Variants in MAML2 observed in about 807,000 individuals in gnomAD.
The protein encoded by MAML2 is mastermind-like protein 2.
Under a neutral mutation model 96.1 loss-of-function variants are expected in MAML2, and 22 were observed. The observed-to-expected ratio is 0.23, with a 90% CI of 0.16 to 0.33. The LOEUF (loss-of-function observed/expected upper bound fraction) is 0.33. Among genes scored for constraint, MAML2 ranks in the 10% least tolerant of loss-of-function variants. MAML2 has a pLI of 1.00. For synonymous variants in MAML2, 561 were observed against 521.3 expected (o/e 1.08, Z -1.04); for missense variants, 1,367 against 1,392.4 (o/e 0.98, Z 0.29).
intron 1 of MAML2, among the ~76,000 whole-genome samples, chr11:96,319,646 T>C (rs188681004): frequency 2.0e-5 from 3 of 152,240 alleles, no homozygotes; most frequent in African/African-American, 4.8e-5. Flanking sequence ...TATGCACAGA[T>C]ATAGGTACAA....
At chr11:96,051,841 C>G (rs544575904) in intron 2 of MAML2, among the ~76,000 whole-genome samples, 2 of 152,310 alleles carry the variant, frequency 1.3e-5, no homozygotes, top group South Asian at 4.1e-4. Context: ...CTCCCTGTCT[C>G]CAGAGATGGC....
chr11:96,158,328 C>T (rs1001041645), intron 1 of MAML2, among the ~76,000 whole-genome samples: 8 of 152,130 alleles, frequency 5.3e-5, no homozygotes, highest in African/African-American at 1.2e-4. Context: ...TTTGTTGGTC[C>T]TGGGGTGACC....
intron 2 of MAML2, among the ~76,000 whole-genome samples, chr11:96,031,638 T>C (rs942706691): frequency 4.6e-5 from 7 of 152,174 alleles, no homozygotes; most frequent in Non-Finnish European, 1.0e-4. Context: ...GTAGCATGCT[T>C]GGGGTACAGA....
Position 95,985,732 on chromosome 11 carries a change from TATA to T in MAML2, c.2344-93_2344-91del, listed in dbSNP as rs1857814866. On this transcript the variant is annotated intron_variant, in intron 3 of 4. Transcript: ENST00000524717. ...TAAAATTTTGTAAAATTTCAGAAAA[TATA>T]AGAACAATTTTGCAATCATGGGTTA... The T allele has an allele frequency of 2.8e-5, 22 of 798,914 alleles. No individual in the cohort carries two copies. In the South Asian group the frequency reaches 3.9e-4, roughly 14 times the overall value. The allele number at this position is 798,914 out of a possible 1,614,324, so 49.5% of individuals were successfully genotyped here.
intron 1 of MAML2, among the ~76,000 whole-genome samples, chr11:96,166,010 G>A (rs1861182343): frequency 1.3e-5 from 2 of 152,012 alleles, no homozygotes; most frequent in Admixed American, 1.3e-4. Context: ...ACAGACTAAT[G>A]GACACAGAGA....
At chr11:96,106,399 T>C (rs1465093322) in intron 1 of MAML2, among the ~76,000 whole-genome samples, 1 of 152,234 alleles carries the variant, frequency 6.6e-6, no homozygotes, top group Non-Finnish European at 1.5e-5. Context: ...TTCTTGAAGC[T>C]TATCTTTAAA....
chr11:95,979,292 G>T lies in MAML2; in HGVS notation c.3127C>A (p.Pro1043Thr). 1 of 1,613,912 alleles carries T rather than the reference G, an allele frequency of 6.2e-7. No individual in the cohort carries two copies. Among genetic ancestry groups the T allele is most frequent in the Admixed American group, 1.7e-5 (1 of 60,006 alleles). Residue 1043 changes from proline to threonine, a missense_variant, in exon 5 of 5, where the codon CCC (proline) becomes ACC (threonine). By Grantham distance (38) the Pro-to-Thr change is conservative (BLOSUM62 -1). Coordinates refer to ENST00000524717, the MANE Select transcript of MAML2 (RefSeq NM_032427.4). ...GGTCTGAGATTCAGACCCCTGAGGG[G>T]ACCCATGGTTTGCCCATTTAGTGTT... ...SQTLNGQTMG[P>T]LRGLNLRPNQ... is the part of the protein sequence containing the mutation.
chr11:96,248,410 C>T (rs1382850812), intron 1 of MAML2, among the ~76,000 whole-genome samples: 3 of 152,104 alleles, frequency 2.0e-5, no homozygotes, highest in Admixed American at 6.5e-5. Context: ...CCATGCCTGG[C>T]GTGTTTTACT....
chr11:96,251,880 G>C lies in MAML2; in HGVS notation c.513+89503C>G, dbSNP rs532415810. On this transcript the variant is annotated intron_variant, in intron 1 of 4. Transcript: ENST00000524717. ...CCGAGTAGCTGGGACTACAGGCGCC[G>C]GCCACCACGCACAGCTAATTTTTTT... Among the ~76,000 whole-genome samples the C allele has an allele frequency of 1.2e-3, 183 of 151,508 alleles. 4 individuals carry two copies. The highest frequency in any genetic ancestry group is 1.6e-3 in the African/African-American group (65 of 41,278).
intron 2 of MAML2, among the ~76,000 whole-genome samples, chr11:96,049,489 T>C (rs191917908): frequency 1.3e-5 from 2 of 152,218 alleles, no homozygotes; most frequent in African/African-American, 4.8e-5. Context: ...AAATAATGCA[T>C]AGTTTATAAA....
chr11:96,304,374 G>A (rs1396384123), intron 1 of MAML2, among the ~76,000 whole-genome samples: 3 of 152,236 alleles, frequency 2.0e-5, no homozygotes, highest in Non-Finnish European at 2.9e-5. Context: ...TTTAAGTGGA[G>A]ACTTGAGACA....
intron 2 of MAML2, among the ~76,000 whole-genome samples, chr11:95,994,143 C>G (rs1309522806): frequency 6.6e-6 from 1 of 152,206 alleles, no homozygotes; most frequent in Admixed American, 6.5e-5. Context: ...ATGCAGCACT[C>G]TTCCCAGGGT....
chr11:96,248,101 C>A (rs1417437254), intron 1 of MAML2, among the ~76,000 whole-genome samples: 5 of 148,530 alleles, frequency 3.4e-5, no homozygotes, highest in Non-Finnish European at 7.4e-5. Context: ...ATTAACTTCA[C>A]CTGTTTTTTT....
intron 2 of MAML2, among the ~76,000 whole-genome samples, chr11:96,062,263 C>T (rs984942906): frequency 6.6e-6 from 1 of 152,070 alleles, no homozygotes; most frequent in Non-Finnish European, 1.5e-5. Context: ...TCATATTGCC[C>T]AGACATTAGG....
In MAML2 at chr11:96,212,795, A is replaced by G. The variant is rs147784180; in HGVS notation, c.514-119278T>C. 3.4e-3 allele frequency among the ~76,000 whole-genome samples: 521 copies of G among 152,330 alleles called. 3 individuals are homozygous for G. The highest frequency in any genetic ancestry group is 0.014 in the South Asian group (68 of 4,824). ...AATGTGACCATTCCTTCTGACATAA[A>G]GGAGCAAGAAGACCTCTCAATTAAA... On this transcript the variant is annotated intron_variant, in intron 1 of 4. Coordinates refer to ENST00000524717, the MANE Select transcript of MAML2 (RefSeq NM_032427.4).
chr11:95,986,352 C>T (rs1857828683), intron 3 of MAML2, among the ~76,000 whole-genome samples: 1 of 151,998 alleles, frequency 6.6e-6, no homozygotes, highest in Non-Finnish European at 1.5e-5. Flanking sequence ...TGCCCGCCAT[C>T]ACGCCCAGCA....
At chr11:96,237,779 C>T (rs1862384979) in intron 1 of MAML2, among the ~76,000 whole-genome samples, 1 of 152,174 alleles carries the variant, frequency 6.6e-6, no homozygotes, top group Admixed American at 6.5e-5. Context: ...CTTCAAGGCT[C>T]ACAGATTTCC....
At chr11:96,137,482 G>T (rs1318396747) in intron 1 of MAML2, among the ~76,000 whole-genome samples, 1 of 152,198 alleles carries the variant, frequency 6.6e-6, no homozygotes, top group East Asian at 1.9e-4. Flanking sequence ...GTTTAAGTTT[G>T]CTTTAGCCTG....
At chr11:96,301,611 C>T (rs1005053413) in intron 1 of MAML2, among the ~76,000 whole-genome samples, 1 of 152,222 alleles carries the variant, frequency 6.6e-6, no homozygotes, top group African/African-American at 2.4e-5. Flanking sequence ...TATCTCAGGG[C>T]TCTTCACTAG....
Sources: gnomAD v4.1 joint callset for allele counts (sites outside exome capture counted in the v4.1 genomes callset) on GRCh38, gnomAD v4.1.1 for gene constraint, MANE v1.5 for transcripts, NCBI Gene and HGNC (gene_info 2026-07-23, HGNC 2026-07-21) for gene names.